Variants in RPS6KA3 observed in about 807,000 individuals in gnomAD.
RPS6KA3 encodes ribosomal protein S6 kinase A3.
In RPS6KA3, 4 loss-of-function variants were observed where a neutral mutation model predicts 67.2. The observed-to-expected ratio is 0.06, with a 90% CI of 0.03 to 0.14. The LOEUF (loss-of-function observed/expected upper bound fraction) is 0.14, where lower values mean the gene tolerates loss of function less well. RPS6KA3 is among the 10% of genes least tolerant of loss of function. The pLI, the probability that RPS6KA3 is intolerant of heterozygous loss-of-function variation, is 1.00. For missense variants in RPS6KA3, 204 were observed against 559.0 expected (o/e 0.36, Z 6.40); for synonymous variants, 182 against 183.7 (o/e 0.99, Z 0.07).
intron 10 of RPS6KA3, among the ~76,000 whole-genome samples, chrX:20,180,613 T>C (rs2067819933): frequency 9.0e-6 from 1 of 111,417 alleles, no homozygotes; most frequent in Non-Finnish European, 1.9e-5. Flanking sequence ...TAAACACACC[T>C]GAATGCCCAC....
At chrX:20,225,255 GT>G (rs1171338918) in intron 2 of RPS6KA3, among the ~76,000 whole-genome samples, 13,439 of 69,477 alleles carry the variant, frequency 0.19, 916 homozygotes, top group African/African-American at 0.24. Flanking sequence ...TTTTTTTTTT[GT>G]TTTTTTTTTT....
intron 1 of RPS6KA3, among the ~76,000 whole-genome samples, chrX:20,254,878 C>A (rs1470716697): frequency 8.9e-6 from 1 of 112,040 alleles, no homozygotes; most frequent in Non-Finnish European, 1.9e-5. Context: ...CTCTCATACA[C>A]TGCTGATGGG....
intron 2 of RPS6KA3, among the ~76,000 whole-genome samples, chrX:20,227,493 C>G (rs948745200): frequency 9.0e-6 from 1 of 111,254 alleles, no homozygotes; most frequent in African/African-American, 3.3e-5. Context: ...GTCTAATATT[C>G]TTCTATCCAA....
intron 10 of RPS6KA3, among the ~76,000 whole-genome samples, chrX:20,185,765 T>C (rs1212986915): frequency 8.9e-6 from 1 of 111,833 alleles, no homozygotes; most frequent in Non-Finnish European, 1.9e-5. Context: ...CTTGCCATAT[T>C]ACAAATCCCA....
At chrX:20,158,896 T>C (rs769852529) in intron 20 of RPS6KA3, among the ~76,000 whole-genome samples, 1 of 111,782 alleles carries the variant, frequency 8.9e-6, no homozygotes, top group African/African-American at 3.3e-5. Context: ...ATGACAACTC[T>C]TAAGTGTCAC....
At chrX:20,244,627 T>A (rs2069637037) in intron 1 of RPS6KA3, among the ~76,000 whole-genome samples, 1 of 112,149 alleles carries the variant, frequency 8.9e-6, no homozygotes, top group Admixed American at 9.5e-5. Context: ...GCTATTAAAT[T>A]TGCAGATAAG....
intron 2 of RPS6KA3, among the ~76,000 whole-genome samples, chrX:20,221,110 C>T (rs1282600104): frequency 1.8e-5 from 2 of 111,710 alleles, no homozygotes; most frequent in Non-Finnish European, 3.8e-5. Context: ...TGGTACATCT[C>T]TTATGGTATT....
intron 15 of RPS6KA3, among the ~76,000 whole-genome samples, chrX:20,171,618 C>T (rs1378898170): frequency 9.0e-6 from 1 of 111,342 alleles, no homozygotes; most frequent in Admixed American, 9.6e-5. Flanking sequence ...TTTTATGAAT[C>T]ATTTAAGTTA....
In RPS6KA3 at chrX:20,188,493, T is replaced by C; in HGVS notation, c.631+4A>G. On this transcript the variant is annotated splice_donor_region_variant and intron_variant, in intron 8 of 21. Transcript: ENST00000379565. ...TTTTAATAAAACGAGGATTTTTTTT[T>C]TACCTGTTAACTTGATGTGACCTTC... 1.0e-6 allele frequency: 1 copy of C among 1,001,820 alleles called. No individual in the cohort carries two copies. The highest frequency in any genetic ancestry group is 1.4e-6 in the Non-Finnish European group (1 of 712,547). 82.6% of individuals were successfully genotyped at this position (1,001,820 alleles called of 1,213,427 possible).
intron 10 of RPS6KA3, among the ~76,000 whole-genome samples, chrX:20,184,354 T>C (rs2148678280): frequency 9.0e-6 from 1 of 110,575 alleles, no homozygotes; most frequent in South Asian, 3.9e-4. Flanking sequence ...TAAATGTAGG[T>C]ACTAGAAAAC....
At chrX:20,250,513 A>T (rs1382280188) in intron 1 of RPS6KA3, among the ~76,000 whole-genome samples, 1 of 112,052 alleles carries the variant, frequency 8.9e-6, no homozygotes, top group Non-Finnish European at 1.9e-5. Flanking sequence ...TATCAAGTTG[A>T]GCAAGTCCTC....
At position 20,153,063 on chromosome X, in the gene RPS6KA3, T is replaced by C. The variant is rs1323989592; in HGVS notation, c.*2335A>G. ...AATTTATAAGGATTTATGTGTTTAC[T>C]TCTAGTTCTAAAATACTATGATGGA... is the stretch of plus-strand genomic sequence containing the variant. On this transcript the variant is annotated 3_prime_UTR_variant, in exon 22 of 22. Transcript: ENST00000379565. 2.7e-5 allele frequency: 3 copies of C among 112,195 alleles called. No individual in the cohort carries two copies. The highest frequency in any genetic ancestry group is 9.7e-5 in the African/African-American group (3 of 30,881). 9.2% of individuals were successfully genotyped at this position (112,195 alleles called of 1,213,427 possible).
chrX:20,240,632 A>C (rs979959902), intron 1 of RPS6KA3: 1 of 274,798 alleles, frequency 3.6e-6, no homozygotes. Context: ...GATGTGCATA[A>C]AGACTTATGT....
intron 1 of RPS6KA3, among the ~76,000 whole-genome samples, chrX:20,260,009 G>A (rs1049972735): frequency 4.5e-5 from 5 of 110,758 alleles, no homozygotes; most frequent in African/African-American, 9.8e-5. Context: ...TTTCTAGACA[G>A]GAAAACCCAG....
rs2067150557 is a variant in RPS6KA3 at position 20,154,399 on chromosome X, A to G, written c.*999T>C. ...AACATGAAATATCCAATAGGACTTC[A>G]ATTACCTGTTGCTAAATTTTCCTTC... On this transcript the variant is annotated 3_prime_UTR_variant, in exon 22 of 22. Transcript: ENST00000379565. 1.8e-5 allele frequency: 2 copies of G among 112,566 alleles called. No individual in the cohort carries two copies. Among genetic ancestry groups the G allele is most frequent in the Admixed American group, 9.4e-5 (1 of 10,641 alleles). 9.3% of individuals were successfully genotyped at this position (112,566 alleles called of 1,213,427 possible).
chrX:20,235,693 A>G lies in RPS6KA3; in HGVS notation c.70-879T>C, dbSNP rs112398622. 8.5e-3 allele frequency among the ~76,000 whole-genome samples: 951 copies of G among 111,468 alleles called. 10 individuals carry two copies. The highest frequency in any genetic ancestry group is 0.024 in the African/African-American group (728 of 30,671). ...TTAACGAGGGTACGGGGGAGAGAGC[A>G]CTCTGGACATACTGCTGGAGAAAGT... On this transcript the variant is annotated intron_variant, in intron 1 of 21. Coordinates refer to ENST00000379565, the MANE Select transcript of RPS6KA3 (RefSeq NM_004586.3).
Position 20,199,150 on chromosome X carries a change from G to A in RPS6KA3, c.326-4005C>T, listed in dbSNP as rs555796242. ...CTCCCAAAGTGCTGGGATTACAGGC[G>A]TGAGCCACCGTACCCAGCCAGGAGT... On this transcript the variant is annotated intron_variant, in intron 4 of 21. Transcript: ENST00000379565. Among the ~76,000 whole-genome samples the A allele has an allele frequency of 1.9e-4, 21 of 111,924 alleles. No homozygotes were observed. In the South Asian group the frequency reaches 7.4e-3, roughly 39 times the overall value.
intron 1 of RPS6KA3, among the ~76,000 whole-genome samples, chrX:20,264,322 C>T (rs899567211): frequency 4.5e-5 from 5 of 112,058 alleles, no homozygotes; most frequent in Non-Finnish European, 9.4e-5. Context: ...AATAACAAGG[C>T]TTTACCAAAT....
intron 14 of RPS6KA3, among the ~76,000 whole-genome samples, chrX:20,173,399 G>A (rs747487057): frequency 1.8e-5 from 2 of 111,813 alleles, no homozygotes; most frequent in East Asian, 2.8e-4. Flanking sequence ...ACCTGTTATC[G>A]CCATTTTGGA....
Sources: gnomAD v4.1 joint callset for allele counts (sites outside exome capture counted in the v4.1 genomes callset) on GRCh38, gnomAD v4.1.1 for gene constraint, MANE v1.5 for transcripts, NCBI Gene and HGNC (gene_info 2026-07-23, HGNC 2026-07-21) for gene names.